Variants in PCDH11Y observed in about 807,000 individuals in gnomAD.
The protein encoded by PCDH11Y is protocadherin 11 Y-linked, also known as protocadherin-11 Y-linked.
For missense variants in PCDH11Y, 12 were observed against 224.8 expected, an observed-to-expected ratio of 0.05 and a Z score of 6.05; for synonymous variants, 9 against 83.6, an observed-to-expected ratio of 0.11 and a Z score of 4.87.
intron 2 of PCDH11Y, among the ~76,000 whole-genome samples, chrY:5,209,307 G>A: frequency 3.1e-5 from 1 of 32,723 alleles, no homozygotes; most frequent in Admixed American, 2.8e-4. Flanking sequence ...CCCTTCTCCC[G>A]CCCCCCATCC....
intron 2 of PCDH11Y, chrY:5,337,667 C>T: frequency 4.2e-6 from 1 of 239,484 alleles, no homozygotes; most frequent in Non-Finnish European, 5.8e-6. Context: ...CCCTTGGCTC[C>T]CTTCACTCCC....
chrY:5,289,986 A>T (rs2124661784), intron 2 of PCDH11Y, among the ~76,000 whole-genome samples: 1 of 32,627 alleles, frequency 3.1e-5, no homozygotes, highest in East Asian at 8.3e-4. Context: ...CCCAATAGTG[A>T]GATTGCTGGA....
At chrY:5,064,334 C>T in intron 1 of PCDH11Y, among the ~76,000 whole-genome samples, 1 of 23,052 alleles carries the variant, frequency 4.3e-5, no homozygotes, top group Non-Finnish European at 9.8e-5. Flanking sequence ...GAATATTTCT[C>T]ATCCTTTTAC....
intron 3 of PCDH11Y, among the ~76,000 whole-genome samples, chrY:5,048,527 A>C: frequency 3.0e-5 from 1 of 33,169 alleles, no homozygotes; most frequent in African/African-American, 1.2e-4. Flanking sequence ...AACATTGTAA[A>C]AGTATTCTCT....
chrY:5,167,740 A>C (rs1602878970), intron 2 of PCDH11Y, among the ~76,000 whole-genome samples: 1 of 25,067 alleles, frequency 4.0e-5, no homozygotes, highest in Non-Finnish European at 9.5e-5. Flanking sequence ...AAGAGTCCCC[A>C]AAAAACAATT....
intron 2 of PCDH11Y, among the ~76,000 whole-genome samples, chrY:5,333,678 G>A: frequency 3.0e-5 from 1 of 32,827 alleles, no homozygotes; most frequent in African/African-American, 1.2e-4. Context: ...CGAGGCGGGT[G>A]GATCACCTGA....
chrY:5,582,847 T>C (rs2053451907), intron 4 of PCDH11Y, among the ~76,000 whole-genome samples: 1 of 33,107 alleles, frequency 3.0e-5, no homozygotes, highest in Non-Finnish European at 7.6e-5. Flanking sequence ...ATGTCCATGA[T>C]ACATTTCTGC....
At chrY:5,544,584 T>C in intron 3 of PCDH11Y, among the ~76,000 whole-genome samples, 1 of 32,583 alleles carries the variant, frequency 3.1e-5, no homozygotes, top group African/African-American at 1.2e-4. Flanking sequence ...ATTTTTGTTT[T>C]TGACAAGTTT....
chrY:5,159,172 TC>T (rs2052872386), intron 2 of PCDH11Y, among the ~76,000 whole-genome samples: 2 of 32,051 alleles, frequency 6.2e-5, no homozygotes, highest in Non-Finnish European at 1.5e-4. Flanking sequence ...ACTCAGGAGG[TC>T]CTGATGCCAC....
chrY:5,603,895 GAAA>G lies in PCDH11Y; in HGVS notation c.3352+22098_3352+22100del. On this transcript the variant is annotated intron_variant, in intron 4 of 4. Coordinates refer to the PCDH11Y transcript ENST00000400457. Reference sequence around the variant, plus strand: ...AGAAAGAAAGAAAGAAAGAAAGAAAGAAAGAAAGAAAGAAAGAAAGAAAGAAAG... The same window carrying G: ...AGAAAGAAAGAAAGAAAGAAAGAAAGGAAAGAAAGAAAGAAAGAAAGAAAG... 1.3e-4 allele frequency among the ~76,000 whole-genome samples: 3 copies of G among 23,042 alleles called. No individual in the cohort carries two copies. The South Asian group carries it at 3.0e-3, about 23-fold the overall frequency. 61.8% of individuals were successfully genotyped at this position (23,042 alleles called of 37,273 possible). A position where few individuals can be genotyped will look rare whatever the true frequency, so the allele number is the denominator to read the frequency against.
chrY:5,571,401 T>C, intron 3 of PCDH11Y, among the ~76,000 whole-genome samples: 1 of 30,666 alleles, frequency 3.3e-5, no homozygotes, highest in Admixed American at 3.1e-4. Flanking sequence ...TTGAAATAGA[T>C]ATTTTTGAAA....
At chrY:5,352,113 G>A in intron 2 of PCDH11Y, among the ~76,000 whole-genome samples, 1 of 28,718 alleles carries the variant, frequency 3.5e-5, no homozygotes, top group Non-Finnish European at 8.3e-5. Context: ...TTATCTTTCC[G>A]CCCACTTTTT....
chrY:5,284,130 G>A, intron 2 of PCDH11Y, among the ~76,000 whole-genome samples: 1 of 32,139 alleles, frequency 3.1e-5, no homozygotes, highest in Non-Finnish European at 7.7e-5. Flanking sequence ...TCAATGGTGA[G>A]AACAACCTTA....
chrY:5,573,158 C>A, intron 3 of PCDH11Y: 3 of 275,203 alleles, frequency 1.1e-5, no homozygotes, highest in Non-Finnish European at 1.7e-5. Flanking sequence ...AGCTTCACCA[C>A]TCGGTCTACC....
At chrY:5,177,874 G>T (rs2052895527) in intron 2 of PCDH11Y, among the ~76,000 whole-genome samples, 1 of 32,761 alleles carries the variant, frequency 3.1e-5, no homozygotes, top group Non-Finnish European at 7.5e-5. Context: ...TATCTCAAAG[G>T]ATAAATGCTT....
At chrY:5,483,564 G>A (rs1602932222) in intron 2 of PCDH11Y, among the ~76,000 whole-genome samples, 1 of 32,073 alleles carries the variant, frequency 3.1e-5, no homozygotes, top group East Asian at 8.3e-4. Context: ...ATGATTCCTA[G>A]CAACAGATAA....
At chrY:5,526,034 G>A in intron 3 of PCDH11Y, among the ~76,000 whole-genome samples, 2 of 32,104 alleles carry the variant, frequency 6.2e-5, no homozygotes, top group East Asian at 8.2e-4. Context: ...TAGAAGCTTC[G>A]TATGTACATG....
intron 3 of PCDH11Y, among the ~76,000 whole-genome samples, chrY:5,546,974 T>C: frequency 3.1e-5 from 1 of 32,708 alleles, no homozygotes; most frequent in South Asian, 6.9e-4. Flanking sequence ...ACTTACAGTA[T>C]GGAAGCAAAT....
intron 2 of PCDH11Y, among the ~76,000 whole-genome samples, chrY:5,499,724 T>A: frequency 3.1e-5 from 1 of 31,903 alleles, no homozygotes; most frequent in African/African-American, 1.2e-4. Context: ...ATACCTAATT[T>A]GAAGCTTTCA....
Sources: allele counts gnomAD v4.1 joint callset (sites outside exome capture counted in the v4.1 genomes callset), GRCh38; gene constraint gnomAD v4.1.1; transcripts MANE v1.5; gene names NCBI Gene and HGNC (gene_info 2026-07-23, HGNC 2026-07-21).